Variants in POC5 observed in about 807,000 individuals in gnomAD.
POC5 encodes the protein centrosomal protein POC5.
In POC5, 48 loss-of-function variants were observed where a neutral mutation model predicts 62.9. That is an observed-to-expected ratio of 0.76 (90% CI 0.61 to 0.97). POC5 has a LOEUF of 0.97. Among genes scored for constraint, POC5 ranks in the 50% least tolerant of loss-of-function variants. The pLI, the probability that POC5 is intolerant of heterozygous loss-of-function variation, is 0.00. For synonymous variants in POC5, 236 were observed against 228.2 expected (o/e 1.03, Z -0.31); for missense variants, 696 against 679.5 (o/e 1.02, Z -0.27).
chr5:75,692,155 T>A (rs1776363666), intron 7 of POC5, among the ~76,000 whole-genome samples: 1 of 152,184 alleles, frequency 6.6e-6, no homozygotes, highest in Admixed American at 6.5e-5. Context: ...GAACAATCCT[T>A]ATTAACCTAC....
chr5:75,707,693 AG>A, intron 3 of POC5, 43 bp downstream of exon 3: 1 of 1,390,170 alleles, frequency 7.2e-7, no homozygotes, highest in Non-Finnish European at 9.9e-7. Context: ...TAATAAACTC[AG>A]TAATATTTTA....
intron 10 of POC5, among the ~76,000 whole-genome samples, chr5:75,680,455 G>A (rs1005690114): frequency 6.6e-6 from 1 of 152,008 alleles, no homozygotes; most frequent in Non-Finnish European, 1.5e-5. Context: ...TAAATAAAAT[G>A]ACTTCTAAAA....
At chr5:75,682,014 T>C (rs1285077311) in intron 10 of POC5, among the ~76,000 whole-genome samples, 1 of 152,252 alleles carries the variant, frequency 6.6e-6, no homozygotes, top group African/African-American at 2.4e-5. Flanking sequence ...AGATTATACT[T>C]AGAGATAGAT....
chr5:75,677,983 GGT>G (rs1775737451), intron 10 of POC5, 33 bp from the exon 11 acceptor site: 2 of 1,439,228 alleles, frequency 1.4e-6, no homozygotes, highest in Non-Finnish European at 1.8e-6. Flanking sequence ...GAAGTAACAA[GGT>G]GGCAGAAAAT....
Position 75,689,144 on chromosome 5 carries a change from C to T in POC5, c.997G>A (p.Ala333Thr). 11 of 1,559,456 alleles carry T rather than the reference C, an allele frequency of 7.1e-6. No homozygotes were observed. The highest frequency in any genetic ancestry group is 9.5e-6 in the Non-Finnish European group (11 of 1,152,102). ...TGCATTCTTTGAATCTCAGCTTTTG[C>T]ATTTTCCAAAGCTCCAGATAACTAA... Reference protein sequence around the residue: ...VAMLSGALENAKAEIQRMQHE... With the variant: ...VAMLSGALENTKAEIQRMQHE... The change falls in exon 9 of 12, where the codon GCA becomes ACA. Residue 333 changes from alanine (A) to threonine (T), a missense_variant. By Grantham distance (58) the Ala-to-Thr change is moderately conservative. Coordinates refer to ENST00000428202, the MANE Select transcript of POC5 (RefSeq NM_001099271.2).
chr5:75,690,298 AAAG>A, intron 8 of POC5, 82 bp downstream of exon 8: 4 of 1,267,708 alleles, frequency 3.2e-6, no homozygotes, highest in Middle Eastern at 1.9e-4. Flanking sequence ...TTAAAGACCA[AAAG>A]AAGAAGTCTA....
chr5:75,699,327 C>T (rs1776759705), intron 5 of POC5, among the ~76,000 whole-genome samples: 1 of 152,038 alleles, frequency 6.6e-6, no homozygotes, highest in Non-Finnish European at 1.5e-5. Flanking sequence ...CAACAAAATA[C>T]TGGCAAACCG....
At chr5:75,707,394 A>C (rs1469805141) in intron 3 of POC5, 1 of 181,290 alleles carries the variant, frequency 5.5e-6, no homozygotes, top group Non-Finnish European at 1.2e-5. Context: ...CTTTAATTTT[A>C]GTCTTGGGCA....
At chr5:75,678,560 A>C (rs1775761148) in intron 10 of POC5, among the ~76,000 whole-genome samples, 1 of 152,102 alleles carries the variant, frequency 6.6e-6, no homozygotes, top group African/African-American at 2.4e-5. Flanking sequence ...TTATCATTAC[A>C]CATATGCTTC....
chr5:75,693,871 G>C (rs929666442), intron 6 of POC5, among the ~76,000 whole-genome samples: 7 of 152,204 alleles, frequency 4.6e-5, no homozygotes, highest in African/African-American at 1.7e-4. Flanking sequence ...ACTGTGTCAG[G>C]AGGCAAAAAA....
chr5:75,690,300 A>C (rs1333097009), intron 8 of POC5, 83 bp downstream of exon 8: 1 of 1,271,824 alleles, frequency 7.9e-7, no homozygotes, highest in Admixed American at 3.0e-5. Flanking sequence ...AAAGACCAAA[A>C]GAAGAAGTCT....
intron 5 of POC5, among the ~76,000 whole-genome samples, chr5:75,696,284 C>T (rs1776582422): frequency 6.6e-6 from 1 of 152,206 alleles, no homozygotes; most frequent in African/African-American, 2.4e-5. Context: ...AAAAAGACAG[C>T]AGTAACCTCT....
At chr5:75,682,564 G>A (rs1775908938) in intron 10 of POC5, among the ~76,000 whole-genome samples, 2 of 143,420 alleles carry the variant, frequency 1.4e-5, no homozygotes, top group South Asian at 4.4e-4. Flanking sequence ...CACCCAGGCT[G>A]CAGTGCAATG....
At position 75,674,456 on chromosome 5, in the gene POC5, A is replaced by G; in HGVS notation, c.1707T>C (p.His569=). ...CACTTTAGTCAACCACTTTTATGGAATGAACACTTGTGAGAGACTGGGTGT... is the reference window on the plus strand; with the variant it reads ...CACTTTAGTCAACCACTTTTATGGAGTGAACACTTGTGAGAGACTGGGTGT... ...SAHTQSLTSV[H]SIKVVD The change falls in exon 12 of 12, where the codon CAT becomes CAC. Residue 569 remains histidine, a synonymous_variant. Coordinates refer to ENST00000428202, the MANE Select transcript of POC5 (RefSeq NM_001099271.2). The G allele has an allele frequency of 6.2e-7, 1 of 1,613,962 alleles. No homozygotes were observed. Among genetic ancestry groups the G allele is most frequent in the East Asian group, 2.2e-5 (1 of 44,884 alleles).
intron 11 of POC5, among the ~76,000 whole-genome samples, chr5:75,676,438 G>C (rs1239258438): frequency 6.6e-6 from 1 of 152,026 alleles, no homozygotes; most frequent in Non-Finnish European, 1.5e-5. Context: ...TCTGGACTTG[G>C]TGCTTCTATC....
chr5:75,676,852 AT>A (rs1256989366), intron 11 of POC5, among the ~76,000 whole-genome samples: 3 of 151,466 alleles, frequency 2.0e-5, no homozygotes, highest in East Asian at 3.9e-4. Context: ...TAAAAAATAA[AT>A]AAATAAATAA....
rs1554075827 is a variant in POC5, at chr5:75,716,390, G to GGT, written c.-15+915_-15+916insAC. Among the ~76,000 whole-genome samples the GGT allele has an allele frequency of 1.3e-3, 119 of 94,590 alleles. 2 individuals are homozygous for GGT. Among genetic ancestry groups the GGT allele is most frequent in the Middle Eastern group, 6.8e-3 (1 of 146 alleles). 62.1% of individuals were successfully genotyped at this position (94,590 alleles called of 152,430 possible). A position where few individuals can be genotyped will look rare whatever the true frequency, so the allele number is the denominator to read the frequency against. ...CCAGGCAGGTAACAGGGGTGGGGGG[G>GGT]GGGGGGTGCTGATTATTTAAAAATG... On this transcript the variant is annotated intron_variant, in intron 1 of 11. Transcript: ENST00000428202.
chr5:75,691,400 G>A lies in POC5; in HGVS notation c.796-838C>T, dbSNP rs555170633. ...AAAATCTGAAACTTTTTGAGTGTCA[G>A]CATGACACCACAAGTGAAAAATTCC... On this transcript the variant is annotated intron_variant, in intron 7 of 11. Transcript: ENST00000428202. Among the ~76,000 whole-genome samples, 9 of 152,268 alleles carry A rather than the reference G, an allele frequency of 5.9e-5. No homozygotes were observed. The South Asian group carries it at 1.9e-3, about 32-fold the overall frequency.
rs1201168309 is a variant in POC5 at position 75,685,290 on chromosome 5, T to C, written c.1324A>G (p.Arg442Gly). 1.9e-6 allele frequency: 3 copies of C among 1,613,874 alleles called. No individual in the cohort carries two copies. Among genetic ancestry groups the C allele is most frequent in the Non-Finnish European group, 2.5e-6 (3 of 1,179,890 alleles). ...TGAACAGAAGATGCGGAAGCAGCCC[T>C]GGTAGAAGTCATCGAAGCAGCTGAG... is the stretch of plus-strand genomic sequence containing the variant. ...VPSAASMTST[R>G]AASASSVHVP... The change falls in exon 10 of 12, where the codon AGG becomes GGG. Residue 442 changes from arginine (R) to glycine (G), a missense_variant. Transcript: ENST00000428202.
Sources: gnomAD v4.1 joint callset for allele counts (sites outside exome capture counted in the v4.1 genomes callset) on GRCh38, gnomAD v4.1.1 for gene constraint, MANE v1.5 for transcripts, NCBI Gene and HGNC (gene_info 2026-07-23, HGNC 2026-07-21) for gene names.